LRCH3: variants seen among roughly 807,000 people sequenced by gnomAD.
LRCH3 encodes the protein leucine rich repeats and calponin homology domain containing 3.
A neutral mutation model predicts 104.5 loss-of-function variants in LRCH3; 68 were observed. That is an observed-to-expected ratio of 0.65 (90% confidence interval 0.54 to 0.80). The LOEUF (loss-of-function observed/expected upper bound fraction) is 0.80. LRCH3 is among the 30% of genes least tolerant of loss of function. The pLI is 0.00. For missense variants in LRCH3, 951 were observed against 953.9 expected (o/e 1.00, Z 0.04); for synonymous variants, 344 against 361.3 (o/e 0.95, Z 0.54).
At chr3:197,820,617 C>A (rs957490170) in intron 4 of LRCH3, among the ~76,000 whole-genome samples, 187 bp downstream of exon 4, 12 of 152,162 alleles carry the variant, frequency 7.9e-5, no homozygotes, top group African/African-American at 2.9e-4. Context: ...TCGAGACCAG[C>A]CTGGGCAATA....
chr3:197,791,593 G>T (rs1730512177), intron 1 of LRCH3, 53 bp downstream of exon 1: 7 of 1,478,482 alleles, frequency 4.7e-6, no homozygotes, highest in South Asian at 2.6e-5. Context: ...GCCGGGAGCC[G>T]CCCCGGCCGG....
At chr3:197,859,060 A>T in intron 15 of LRCH3, 155 bp downstream of exon 15, 1 of 643,026 alleles carries the variant, frequency 1.6e-6, no homozygotes, top group Non-Finnish European at 2.8e-6. Flanking sequence ...TTTCCCTTGA[A>T]ATTTTTTGAA....
At chr3:197,827,495 G>A (rs1409497955) in intron 5 of LRCH3, among the ~76,000 whole-genome samples, 8 of 152,158 alleles carry the variant, frequency 5.3e-5, no homozygotes, top group Admixed American at 3.3e-4. Flanking sequence ...TTTGGACAAA[G>A]GATGAAATTT....
rs1336850800 is a variant in LRCH3, at chr3:197,875,722, A to C, written c.2155A>C (p.Arg719=). The change falls in exon 20 of 21, where the codon AGG becomes CGG. Residue 719 remains arginine, a synonymous_variant. Transcript: ENST00000425562. ...AVPKLTMAKC[R]RNVENFLEAC... is the part of the protein sequence containing the mutation. ...GCCTAAATTAACAATGGCGAAATGC[A>C]GGCGAAATGTGGAAAATTTCCTAGA... The C allele has an allele frequency of 6.5e-7, 1 of 1,534,772 alleles. No homozygotes were observed. The highest frequency in any genetic ancestry group is 1.2e-5 in the South Asian group (1 of 83,898).
chr3:197,880,393 A>T, intron 20 of LRCH3: 1 of 759,766 alleles, frequency 1.3e-6, no homozygotes, highest in Non-Finnish European at 2.1e-6. Context: ...TAAAAATGTT[A>T]CAGGATGTGT....
intron 19 of LRCH3, chr3:197,871,676 T>C: frequency 2.0e-6 from 1 of 505,666 alleles, no homozygotes; most frequent in Non-Finnish European, 3.3e-6. Flanking sequence ...ATGTACAGTG[T>C]GTGTTATAGG....
intron 1 of LRCH3, among the ~76,000 whole-genome samples, chr3:197,812,842 G>A (rs1430633247): frequency 2.6e-5 from 4 of 152,106 alleles, no homozygotes; most frequent in Non-Finnish European, 5.9e-5. Flanking sequence ...GATTACAGGC[G>A]CAGGCCACCA....
In LRCH3 at chr3:197,883,384, A is replaced by T; in HGVS notation, c.2209-157A>T. 7.1e-7 allele frequency: 1 copy of T among 1,401,004 alleles called. No homozygotes were observed. Among genetic ancestry groups the T allele is most frequent in the Non-Finnish European group, 9.3e-7 (1 of 1,074,574 alleles). The allele number at this position is 1,401,004 out of a possible 1,614,324, so 86.8% of individuals were successfully genotyped here. ...AGTGAGTGTCAGACACCATCTCTCT[A>T]ACTCATATTTACACTGAGGTCAGTT... On this transcript the variant is annotated intron_variant, in intron 20 of 20. Transcript: ENST00000425562. The surrounding 1 kb of genome is among the most constrained non-coding windows in gnomAD (Gnocchi z 4.2).
At chr3:197,826,173 G>A (rs1401354157) in intron 4 of LRCH3, among the ~76,000 whole-genome samples, 1 of 152,168 alleles carries the variant, frequency 6.6e-6, no homozygotes, top group African/African-American at 2.4e-5. Context: ...ACAACAAGCT[G>A]TGTATTTTAT....
Position 197,854,149 on chromosome 3 carries a change from G to A in LRCH3, c.1591-243G>A, listed in dbSNP as rs1739975406. Among the ~76,000 whole-genome samples, 1 of 152,034 alleles carries A rather than the reference G, an allele frequency of 6.6e-6. No homozygotes were observed. Among genetic ancestry groups the A allele is most frequent in the Non-Finnish European group, 1.5e-5 (1 of 67,984 alleles). On this transcript the variant is annotated intron_variant, in intron 13 of 20. Transcript: ENST00000425562. This position sits in a 1 kb window ranked among gnomAD's most constrained non-coding sequence, Gnocchi z 4.5. ...TTTCTGTTCCCTCCTTGCTTTGTAA[G>A]GTTTTAGGCAATAAGATCGTATTTG...
chr3:197,821,358 A>G (rs535291172), intron 4 of LRCH3, among the ~76,000 whole-genome samples: 156 of 152,160 alleles, frequency 1.0e-3, no homozygotes, highest in African/African-American at 1.6e-3. Context: ...TAGTTTATCA[A>G]TCTTTCACAA....
chr3:197,802,008 T>C (rs624721), intron 1 of LRCH3, among the ~76,000 whole-genome samples: 112,537 of 152,028 alleles, frequency 0.74, 43,780 homozygotes, highest in East Asian at 0.94. Flanking sequence ...GCCACTTGTA[T>C]TCTTACAACA....
intron 6 of LRCH3, 77 bp from the exon 7 acceptor site, chr3:197,830,693 G>A: frequency 8.3e-7 from 1 of 1,209,172 alleles, no homozygotes; most frequent in Non-Finnish European, 1.2e-6. Context: ...TTGTTTTTTA[G>A]AAAATTGATC....
chr3:197,870,251 G>T lies in LRCH3; in HGVS notation c.1965G>T (p.Glu655Asp). The change falls in exon 18 of 21, where the codon GAG (glutamate) becomes GAT (aspartate). Residue 655 changes from glutamate to aspartate, a missense_variant. Glu to Asp is a conservative substitution (Grantham distance 45, BLOSUM62 2). Coordinates refer to ENST00000425562, the MANE Select transcript of LRCH3 (RefSeq NM_001365715.1). ...TGQNSRQREE[E>D]LELIDQLRKH... ...AGAATTCAAGACAGAGAGAAGAAGA[G>T]CTGGAATTAATAGACCAACTGCGTA... 1 of 1,613,426 alleles carries T rather than the reference G, an allele frequency of 6.2e-7. No individual in the cohort carries two copies. The highest frequency in any genetic ancestry group is 1.1e-5 in the South Asian group (1 of 91,068).
At position 197,791,418 on chromosome 3, in the gene LRCH3, G is replaced by C; in HGVS notation, c.140G>C (p.Arg47Pro). 6.3e-7 allele frequency: 1 copy of C among 1,592,456 alleles called. No homozygotes were observed. Among genetic ancestry groups the C allele is most frequent in the South Asian group, 1.1e-5 (1 of 87,962 alleles). The change falls in exon 1 of 21, where the codon CGC (arginine) becomes CCC (proline). Residue 47 changes from arginine (R) to proline (P), a missense_variant. Physicochemically the swap from Arg to Pro is moderately radical, Grantham distance 103 (BLOSUM62 -2). Coordinates refer to ENST00000425562, the MANE Select transcript of LRCH3 (RefSeq NM_001365715.1). ...GGTTTTGGCCCGGGCTCGTGGAGCCGCTCTCTCGATCGAGCCCTGGAGGAG... is the reference window on the plus strand; with the variant it reads ...GGTTTTGGCCCGGGCTCGTGGAGCCCCTCTCTCGATCGAGCCCTGGAGGAG... The part of the protein sequence containing the change: ...GPGFGPGSWS[R>P]SLDRALEEAA...
Position 197,886,661 on chromosome 3 carries a change from T to G in LRCH3, c.*2995T>G, listed in dbSNP as rs1560072139. 1 of 151,994 alleles carries G rather than the reference T, an allele frequency of 6.6e-6. No individual in the cohort carries two copies. Among genetic ancestry groups the G allele is most frequent in the Non-Finnish European group, 1.5e-5 (1 of 68,000 alleles). 9.4% of individuals were successfully genotyped at this position (151,994 alleles called of 1,614,324 possible). On this transcript the variant is annotated 3_prime_UTR_variant, in exon 21 of 21. Coordinates refer to ENST00000425562, the MANE Select transcript of LRCH3 (RefSeq NM_001365715.1). ...CTCTACTAAAAATACAAAAATTAGC[T>G]GGGCGTGGTGGTGGGCACCTGTAAT... is the stretch of plus-strand genomic sequence containing the variant.
At chr3:197,801,397 C>T (rs1484060247) in intron 1 of LRCH3, among the ~76,000 whole-genome samples, 1 of 152,074 alleles carries the variant, frequency 6.6e-6, no homozygotes, top group Admixed American at 6.6e-5. Flanking sequence ...TGTTTCATGA[C>T]CTTGGTGGTG....
intron 2 of LRCH3, among the ~76,000 whole-genome samples, chr3:197,815,829 A>G (rs1018379829): frequency 4.6e-5 from 7 of 152,358 alleles, no homozygotes; most frequent in Middle Eastern, 3.4e-3. Context: ...TATAATGTGC[A>G]AATGTGGAAA....
At chr3:197,834,116 G>A (rs1275562760) in intron 8 of LRCH3, among the ~76,000 whole-genome samples, 2 of 152,206 alleles carry the variant, frequency 1.3e-5, no homozygotes, top group Non-Finnish European at 2.9e-5. Context: ...TTTTTAGGCA[G>A]CCTGTAGAAC....
Sources: gnomAD v4.1 joint callset for allele counts (sites outside exome capture counted in the v4.1 genomes callset) on GRCh38, gnomAD v4.1.1 for gene constraint, Gnocchi (gnomAD v3.1) non-coding constraint, MANE v1.5 for transcripts, NCBI Gene and HGNC (gene_info 2026-07-23, HGNC 2026-07-21) for gene names.